The following ZNF541 variants were observed in gnomAD, a reference collection of about 807,000 sequenced individuals.
ZNF541 encodes the protein zinc finger protein 541.
In ZNF541, 23 loss-of-function variants were observed where a neutral mutation model predicts 123.5. That is an observed-to-expected ratio of 0.19 (90% confidence interval 0.13 to 0.26). The LOEUF (loss-of-function observed/expected upper bound fraction) is 0.26, where lower values mean the gene tolerates loss of function less well. Ranked by LOEUF, ZNF541 falls within the 10% of genes least tolerant of loss-of-function variation. ZNF541 has a pLI of 1.00. For synonymous variants in ZNF541, 751 were observed against 754.5 expected, an observed-to-expected ratio of 1.00 and a Z score of 0.08; for missense variants, 1,612 against 1,789.9, an observed-to-expected ratio of 0.90 and a Z score of 1.79.
At chr19:47,539,923 G>A in intron 7 of ZNF541, 45 bp from the exon 8 acceptor site, 1 of 1,510,056 alleles carries the variant, frequency 6.6e-7, no homozygotes, top group Non-Finnish European at 8.8e-7. Flanking sequence ...GATAAGGTAG[G>A]TGGGGAAAGG....
Position 47,544,477 on chromosome 19 carries a change from T to G in ZNF541, c.2052A>C (p.Lys684Asn). The change falls in exon 5 of 17, where the codon AAA becomes AAC. Residue 684 changes from lysine to asparagine, a missense_variant. Lys to Asn is a moderately conservative substitution (Grantham distance 94, BLOSUM62 0). This residue lies in a region of ZNF541 where 1,080 missense variants were observed against 1,013.8 expected (regional missense o/e 1.07). Coordinates refer to ENST00000391901, the MANE Select transcript of ZNF541 (RefSeq NM_001277075.3). Reference protein sequence around the residue: ...SSLAKQLRSSKGTLDLEDIFP... With the variant: ...SSLAKQLRSSNGTLDLEDIFP... ...AGATGTCCTCCAGGTCCAAGGTCCCTTTAGAGGATCGCAGCTGCTTGGCCA... is the reference window on the plus strand; with the variant it reads ...AGATGTCCTCCAGGTCCAAGGTCCCGTTAGAGGATCGCAGCTGCTTGGCCA... 1 of 1,551,678 alleles carries G rather than the reference T, an allele frequency of 6.4e-7. No individual in the cohort carries two copies.
chr19:47,562,209 A>G (rs1971092247), intron 2 of ZNF541, among the ~76,000 whole-genome samples: 1 of 151,946 alleles, frequency 6.6e-6, no homozygotes. Flanking sequence ...AGATCGTGCC[A>G]CTGCACTCCA....
chr19:47,543,935 C>T (rs563367762), intron 5 of ZNF541, among the ~76,000 whole-genome samples, 191 bp downstream of exon 5: 2 of 152,274 alleles, frequency 1.3e-5, no homozygotes, highest in East Asian at 3.9e-4. Context: ...AGGCATAAGC[C>T]ACCTCACCTG....
intron 5 of ZNF541, among the ~76,000 whole-genome samples, chr19:47,543,906 C>T (rs1247229064): frequency 1.3e-5 from 2 of 152,086 alleles, no homozygotes; most frequent in Non-Finnish European, 2.9e-5. Flanking sequence ...AGCCTCCCAT[C>T]CCAAAGGGCT....
chr19:47,537,646 G>A (rs1969884823), intron 9 of ZNF541, among the ~76,000 whole-genome samples: 1 of 146,068 alleles, frequency 6.8e-6, no homozygotes, highest in South Asian at 2.2e-4. Flanking sequence ...GGGAGGTCAA[G>A]GCAGCAAAAT....
At chr19:47,530,573 T>C (rs868119926) in intron 12 of ZNF541, among the ~76,000 whole-genome samples, 1 of 152,164 alleles carries the variant, frequency 6.6e-6, no homozygotes, top group African/African-American at 2.4e-5. Context: ...ATTGCAGGGT[T>C]TGCATAATTT....
At chr19:47,525,061 G>A (rs1969220751) in intron 14 of ZNF541, among the ~76,000 whole-genome samples, 1 of 152,106 alleles carries the variant, frequency 6.6e-6, no homozygotes, top group Non-Finnish European at 1.5e-5. Context: ...GAGGCAGGTA[G>A]ATCACCTGAG....
At chr19:47,558,804 G>T (rs2123328355) in intron 2 of ZNF541, among the ~76,000 whole-genome samples, 1 of 151,248 alleles carries the variant, frequency 6.6e-6, no homozygotes, top group Non-Finnish European at 1.5e-5. Context: ...GAGTGCAGTG[G>T]CGCCATCTCC....
At chr19:47,540,032 C>A (rs1202850855) in intron 7 of ZNF541, 144 bp downstream of exon 7, 8 of 1,417,810 alleles carry the variant, frequency 5.6e-6, no homozygotes, top group Non-Finnish European at 6.5e-6. Flanking sequence ...CAATGGCCTG[C>A]CCCTGGAGAG....
chr19:47,528,037 G>A (rs1171618603), intron 14 of ZNF541, among the ~76,000 whole-genome samples: 10 of 135,842 alleles, frequency 7.4e-5, no homozygotes, highest in African/African-American at 2.2e-4. Context: ...GTCCTGGGCC[G>A]GGCGCCGTGG....
Position 47,549,417 on chromosome 19 carries a change from T to C in ZNF541, c.376A>G (p.Arg126Gly). ...EGGRATSGSARKGKRQHSSPQ... is the reference protein window; with the variant it reads ...EGGRATSGSAGKGKRQHSSPQ... ...GAACTGTGCTGCCGCTTTCCTTTCC[T>C]GGCACTCCCCGAGGTGGCCCTTCCT... The change falls in exon 4 of 17, where the codon AGG (arginine) becomes GGG (glycine). Residue 126 changes from arginine to glycine, a missense_variant. Coordinates refer to ENST00000391901, the MANE Select transcript of ZNF541 (RefSeq NM_001277075.3). The C allele has an allele frequency of 6.4e-7, 1 of 1,551,740 alleles. No homozygotes were observed. The highest frequency in any genetic ancestry group is 8.7e-7 in the Non-Finnish European group (1 of 1,147,016).
chr19:47,533,015 G>T, intron 9 of ZNF541, 43 bp from the exon 10 acceptor site: 1 of 1,529,798 alleles, frequency 6.5e-7, no homozygotes, highest in Non-Finnish European at 8.8e-7. Context: ...ACAGACAGCA[G>T]GTAACCGACA....
chr19:47,560,395 G>C (rs527777548), intron 2 of ZNF541, among the ~76,000 whole-genome samples: 642 of 152,004 alleles, frequency 4.2e-3, no homozygotes, highest in Non-Finnish European at 7.7e-3. Flanking sequence ...GGCCAACACG[G>C]TGAAACTCCG....
intron 14 of ZNF541, among the ~76,000 whole-genome samples, chr19:47,524,470 C>T (rs1969191015): frequency 6.6e-6 from 1 of 152,108 alleles, no homozygotes; most frequent in South Asian, 2.1e-4. Flanking sequence ...CTTTGGGAGG[C>T]CGAGGCAGGA....
At chr19:47,566,603 C>T (rs529946613) in intron 2 of ZNF541, among the ~76,000 whole-genome samples, 7 of 151,814 alleles carry the variant, frequency 4.6e-5, no homozygotes, top group African/African-American at 1.2e-4. Flanking sequence ...AAAATTAGCT[C>T]GGCATAGTGG....
intron 2 of ZNF541, among the ~76,000 whole-genome samples, chr19:47,562,906 T>C (rs964955512): frequency 6.6e-6 from 1 of 152,182 alleles, no homozygotes; most frequent in Non-Finnish European, 1.5e-5. Context: ...TTACTTCCAT[T>C]TGGGGGCTAT....
chr19:47,556,424 C>T (rs1033899173), intron 2 of ZNF541, among the ~76,000 whole-genome samples: 3 of 152,222 alleles, frequency 2.0e-5, no homozygotes, highest in South Asian at 2.1e-4. Context: ...CTCCATGTGG[C>T]TATGAAGTAC....
intron 10 of ZNF541, among the ~76,000 whole-genome samples, chr19:47,532,579 C>T (rs1049846906): frequency 1.9e-4 from 29 of 152,122 alleles, no homozygotes; most frequent in African/African-American, 5.6e-4. Context: ...GCCATCCAGC[C>T]ACATCCCTCA....
In ZNF541 at chr19:47,545,778, G is replaced by A. The variant is rs766544407; in HGVS notation, c.751C>T (p.Pro251Ser). The A allele has an allele frequency of 1.3e-6, 2 of 1,540,908 alleles. No individual in the cohort carries two copies. Among genetic ancestry groups the A allele is most frequent in the South Asian group, 2.4e-5 (2 of 83,872 alleles). ...GGCACCAGGGACCGCAGGCTGCTGG[G>A]GGGCGGCTGGCCGGCCGACTCGTGG... ...HAHESAGQPP[P>S]SSLRSLVPPE... is the part of the protein sequence containing the mutation. Residue 251 changes from proline to serine, a missense_variant, in exon 5 of 17, where the codon CCC becomes TCC. Pro to Ser is a moderately conservative substitution (Grantham distance 74). Around this residue, in one of 5 missense-constraint regions of ZNF541, gnomAD observed 1,080 missense variants for 1,013.8 expected, o/e 1.07. Coordinates refer to ENST00000391901, the MANE Select transcript of ZNF541 (RefSeq NM_001277075.3). This position sits in a 1 kb window ranked among gnomAD's most constrained non-coding sequence, Gnocchi z 7.5.
Sources: allele counts gnomAD v4.1 joint callset (sites outside exome capture counted in the v4.1 genomes callset), GRCh38; gene constraint gnomAD v4.1.1; regional missense constraint gnomAD v4.1.1; non-coding constraint Gnocchi (gnomAD v3.1); transcripts MANE v1.5; gene names NCBI Gene and HGNC (gene_info 2026-07-23, HGNC 2026-07-21).